The following EYA3 variants were observed in gnomAD, a reference collection of about 807,000 sequenced individuals.
EYA3 encodes protein phosphatase EYA3.
In EYA3, 39 loss-of-function variants were observed where a neutral mutation model predicts 80.0. The observed-to-expected ratio is 0.49, with a 90% CI of 0.38 to 0.64. The LOEUF (loss-of-function observed/expected upper bound fraction) is 0.64. Ranked by LOEUF, EYA3 falls within the 30% of genes least tolerant of loss-of-function variation. The pLI, the probability that EYA3 is intolerant of heterozygous loss-of-function variation, is 0.00. For missense variants in EYA3, 523 were observed against 676.1 expected (o/e 0.77, Z 2.51); for synonymous variants, 206 against 232.8 (o/e 0.88, Z 1.05).
chr1:28,011,084 C>T lies in EYA3; in HGVS notation c.772G>A (p.Asp258Asn). The change falls in exon 10 of 18, where the codon GAC (aspartate) becomes AAC (asparagine). Residue 258 changes from aspartate to asparagine, a missense_variant and splice_region_variant. Physicochemically the swap from Asp to Asn is conservative, Grantham distance 23. Coordinates refer to ENST00000373871, the MANE Select transcript of EYA3 (RefSeq NM_001990.4). ...APAAQRLSSG[D>N]PSTSPSLSQT... ...GACAAAGATGGACTTGTAGAAGGGTCTCCTGGAAAGAAAAAGTGAAACATA... is the reference window on the plus strand; with the variant it reads ...GACAAAGATGGACTTGTAGAAGGGTTTCCTGGAAAGAAAAAGTGAAACATA... 6.2e-7 allele frequency: 1 copy of T among 1,610,430 alleles called. No homozygotes were observed. Among genetic ancestry groups the T allele is most frequent in the Non-Finnish European group, 8.5e-7 (1 of 1,179,002 alleles).
intron 7 of EYA3, among the ~76,000 whole-genome samples, chr1:28,023,173 G>A (rs1571828843): frequency 6.6e-6 from 1 of 151,800 alleles, no homozygotes; most frequent in Admixed American, 6.6e-5. Context: ...GGCCAAACTG[G>A]AACAAAATAA....
intron 3 of EYA3, among the ~76,000 whole-genome samples, chr1:28,047,618 C>A (rs895513673): frequency 6.7e-6 from 1 of 149,672 alleles, no homozygotes. Context: ...CTGTGAGGTG[C>A]AAACAAGCTG....
intron 1 of EYA3, among the ~76,000 whole-genome samples, chr1:28,080,138 A>G (rs1369805370): frequency 7.0e-6 from 1 of 141,962 alleles, no homozygotes; most frequent in East Asian, 2.1e-4. Flanking sequence ...GTTTGTTTTA[A>G]ATTAAAAACA....
intron 1 of EYA3, among the ~76,000 whole-genome samples, chr1:28,064,623 A>G (rs989305304): frequency 6.6e-6 from 1 of 152,122 alleles, no homozygotes; most frequent in Non-Finnish European, 1.5e-5. Context: ...TTTACTGAGC[A>G]TATATAATAC....
At chr1:28,038,075 C>T (rs1196125499) in intron 5 of EYA3, among the ~76,000 whole-genome samples, 1 of 131,324 alleles carries the variant, frequency 7.6e-6, no homozygotes, top group African/African-American at 3.0e-5. Flanking sequence ...CAAAACATAA[C>T]CTCTTAGTGA....
intron 1 of EYA3, among the ~76,000 whole-genome samples, chr1:28,066,401 A>C (rs1035208551): frequency 6.6e-6 from 1 of 152,158 alleles, no homozygotes; most frequent in Admixed American, 6.5e-5. Context: ...TACAAAAAAA[A>C]CCCTAAGAGA....
At chr1:27,982,685 T>C (rs1487338267) in intron 16 of EYA3, among the ~76,000 whole-genome samples, 17 of 151,942 alleles carry the variant, frequency 1.1e-4, no homozygotes, top group Admixed American at 9.8e-4. Context: ...CTCCGCCTCC[T>C]GGGTTCAAGC....
chr1:28,057,891 T>C, intron 2 of EYA3, 103 bp downstream of exon 2: 1 of 637,134 alleles, frequency 1.6e-6, no homozygotes, highest in Admixed American at 2.9e-5. Context: ...AATCTTTTCC[T>C]TATTTTTATT....
chr1:28,038,993 T>C (rs1431681242), intron 4 of EYA3, 88 bp from the exon 5 acceptor site: 2 of 735,088 alleles, frequency 2.7e-6, no homozygotes, highest in East Asian at 5.3e-5. Flanking sequence ...GTATAGTCTT[T>C]CAAACTAATT....
chr1:28,078,622 T>C (rs1433284986), intron 1 of EYA3, among the ~76,000 whole-genome samples: 1 of 152,198 alleles, frequency 6.6e-6, no homozygotes, highest in East Asian at 1.9e-4. Context: ...CTCAGCTCAC[T>C]GCAACCTCCA....
At chr1:28,012,970 C>CTATT in intron 9 of EYA3, 141 bp downstream of exon 9, 2 of 822,308 alleles carry the variant, frequency 2.4e-6, no homozygotes, top group South Asian at 3.5e-5. Context: ...AGCCTGCTTC[C>CTATT]AATACTCCTC....
chr1:28,073,127 A>ATTTTTTT lies in EYA3; in HGVS notation c.-68-15040_-68-15034dup, dbSNP rs1180868021. 6.7e-4 allele frequency among the ~76,000 whole-genome samples: 10 copies of ATTTTTTT among 14,994 alleles called. 2 individuals carry two copies. Among genetic ancestry groups the ATTTTTTT allele is most frequent in the African/African-American group, 9.5e-4 (3 of 3,170 alleles). 9.8% of individuals were successfully genotyped at this position (14,994 alleles called of 152,430 possible). The stretch of plus-strand genomic sequence containing the variant: ...ATTATATATATATATATATATATAT[A>ATTTTTTT]TTTTTTTTTTTTTTTTTTTTTTTTA... On this transcript the variant is annotated intron_variant, in intron 1 of 17. Coordinates refer to ENST00000373871, the MANE Select transcript of EYA3 (RefSeq NM_001990.4).
chr1:28,040,858 G>C (rs879920468), intron 4 of EYA3, among the ~76,000 whole-genome samples: 15 of 151,866 alleles, frequency 9.9e-5, no homozygotes, highest in African/African-American at 3.1e-4. Flanking sequence ...GAGGGGCAGG[G>C]GGGGGTCGGG....
intron 1 of EYA3, among the ~76,000 whole-genome samples, chr1:28,084,585 ATATATATATATTTTTTTTTTTTTTTT>A (rs1358876623): frequency 1.8e-4 from 3 of 17,132 alleles, no homozygotes; most frequent in African/African-American, 8.4e-4. Flanking sequence ...ATATATATAT[ATATATATATATTTTTTTTTTTTTTTT>A]TTTTTTTTTT....
At chr1:28,069,206 G>A (rs1644935857) in intron 1 of EYA3, among the ~76,000 whole-genome samples, 3 of 151,960 alleles carry the variant, frequency 2.0e-5, no homozygotes, top group African/African-American at 4.8e-5. Flanking sequence ...CACCTCCTGG[G>A]TTCAAGCAAT....
At chr1:27,990,844 C>A (rs1264434693) in intron 14 of EYA3, among the ~76,000 whole-genome samples, 1 of 151,442 alleles carries the variant, frequency 6.6e-6, no homozygotes, top group African/African-American at 2.4e-5. Context: ...AGCCACCGTG[C>A]CTGGCATTTT....
intron 1 of EYA3, among the ~76,000 whole-genome samples, chr1:28,088,176 G>C (rs1486555211): frequency 2.0e-5 from 3 of 152,144 alleles, no homozygotes; most frequent in Admixed American, 6.5e-5. Flanking sequence ...CCCAGATCAG[G>C]GGTAGGGGAA....
At position 28,010,856 on chromosome 1, in the gene EYA3, A is replaced by C. The variant is rs551508583; in HGVS notation, c.909+91T>G. 6.8e-6 allele frequency: 10 copies of C among 1,462,010 alleles called. No individual in the cohort carries two copies. The African/African-American group carries it at 1.4e-4, about 21-fold the overall frequency. 90.6% of individuals were successfully genotyped at this position (1,462,010 alleles called of 1,614,324 possible). A position where few individuals can be genotyped will look rare whatever the true frequency, so the allele number is the denominator to read the frequency against. On this transcript the variant is annotated intron_variant, in intron 10 of 17. Coordinates refer to ENST00000373871, the MANE Select transcript of EYA3 (RefSeq NM_001990.4). ...AATTAAAGGGCACATAACATAGTGC[A>C]CATTATCTCTGTGAGCTTCAAAAAC...
chr1:28,022,577 G>A (rs935660723), intron 7 of EYA3, among the ~76,000 whole-genome samples: 2 of 152,180 alleles, frequency 1.3e-5, no homozygotes, highest in African/African-American at 4.8e-5. Flanking sequence ...CACAGATACA[G>A]ATTACGACAT....
Sources: gnomAD v4.1 joint callset for allele counts (sites outside exome capture counted in the v4.1 genomes callset) on GRCh38, gnomAD v4.1.1 for gene constraint, MANE v1.5 for transcripts, NCBI Gene and HGNC (gene_info 2026-07-23, HGNC 2026-07-21) for gene names.